Variants in KATNB1 observed in about 807,000 individuals in gnomAD.
KATNB1 encodes the protein katanin regulatory subunit B1, also known as katanin p80 WD40 repeat-containing subunit B1.
KATNB1 carries 38 observed loss-of-function variants against 82.3 expected under a neutral mutation model. The ratio of observed to expected loss-of-function variants is 0.46; its 90% CI spans 0.36 to 0.61. KATNB1 has a LOEUF of 0.61. KATNB1 is among the 20% of genes least tolerant of loss of function. KATNB1 has a pLI of 0.00. For missense variants in KATNB1, 749 were observed against 915.7 expected, an observed-to-expected ratio of 0.82 and a Z score of 2.35; for synonymous variants, 361 against 368.7, an observed-to-expected ratio of 0.98 and a Z score of 0.24.
rs782018938 is a variant in KATNB1, at chr16:57,751,692, T to C, written c.484T>C (p.Leu162=). The change falls in exon 7 of 20, where the codon TTG becomes CTG. Residue 162 remains leucine (L), a synonymous_variant. Transcript: ENST00000379661. This position sits in a 1 kb window ranked among gnomAD's most constrained non-coding sequence, Gnocchi z 6.3. ...CCGGTTCAGCCCCGATGGGAAGTGGTTGGCGTCGGCCGCAGATGACCACAC... is the reference window on the plus strand; with the variant it reads ...CCGGTTCAGCCCCGATGGGAAGTGGCTGGCGTCGGCCGCAGATGACCACAC... ...CLRFSPDGKW[L]ASAADDHTVK... The C allele has an allele frequency of 1.9e-6, 3 of 1,611,042 alleles. No homozygotes were observed. The highest frequency in any genetic ancestry group is 2.2e-5 in the East Asian group (1 of 44,864).
At chr16:57,738,870 A>T (rs1306975318) in intron 2 of KATNB1, among the ~76,000 whole-genome samples, 1 of 151,648 alleles carries the variant, frequency 6.6e-6, no homozygotes, top group Non-Finnish European at 1.5e-5. Flanking sequence ...GAGCCTGGGG[A>T]GAGCAACAGG....
At position 57,744,385 on chromosome 16, in the gene KATNB1, T is replaced by C; in HGVS notation, c.172-9T>C. 1 of 1,610,940 alleles carries C rather than the reference T, an allele frequency of 6.2e-7. No homozygotes were observed. The highest frequency in any genetic ancestry group is 8.5e-7 in the Non-Finnish European group (1 of 1,178,510). On this transcript the variant is annotated splice_polypyrimidine_tract_variant and intron_variant, in intron 3 of 19. Transcript: ENST00000379661. ...GCAGTGCACGGAAGCTGCTGCTCTC[T>C]CTCCACAGAGCCTGACGGGCCACAC... is the stretch of plus-strand genomic sequence containing the variant.
chr16:57,738,958 G>C (rs535813717), intron 2 of KATNB1, among the ~76,000 whole-genome samples: 1 of 152,192 alleles, frequency 6.6e-6, no homozygotes, highest in East Asian at 1.9e-4. Flanking sequence ...AGTTAGCTGG[G>C]GGGTAGGGGT....
chr16:57,752,581 AG>A lies in KATNB1; in HGVS notation c.688del (p.Glu230SerfsTer56). The A allele has an allele frequency of 6.4e-7, 1 of 1,569,428 alleles. No individual in the cohort carries two copies. Among genetic ancestry groups the A allele is most frequent in the Non-Finnish European group, 8.6e-7 (1 of 1,157,236 alleles). On this transcript the variant is annotated frameshift_variant, in exon 9 of 20. Coordinates refer to ENST00000379661, the MANE Select transcript of KATNB1 (RefSeq NM_005886.3). LOFTEE classifies it high-confidence loss of function. The part of the protein sequence containing the change: ...EKFQVVSCIE[G>X]EPGPVRSVLF... ...AGTTCCAGGTGGTGAGCTGCATCGA[AG>A]GGGAGCCTGGGCCCGTCAGGTACGC...
Position 57,756,947 on chromosome 16 carries a change from G to C in KATNB1, c.*1G>C, listed in dbSNP as rs1471542729. 6.5e-7 allele frequency: 1 copy of C among 1,528,138 alleles called. No individual in the cohort carries two copies. Among genetic ancestry groups the C allele is most frequent in the African/African-American group, 1.4e-5 (1 of 72,436 alleles). 94.7% of individuals were successfully genotyped at this position (1,528,138 alleles called of 1,614,324 possible). A position where few individuals can be genotyped will look rare whatever the true frequency, so the allele number is the denominator to read the frequency against. Reference sequence around the variant, plus strand: ...CCTGCTCATGGCCAGTCTGGACTGAGGAAAGCAGTGGGCAGGGGCGCTCGG... The same window carrying C: ...CCTGCTCATGGCCAGTCTGGACTGACGAAAGCAGTGGGCAGGGGCGCTCGG... On this transcript the variant is annotated 3_prime_UTR_variant, in exon 20 of 20. Coordinates refer to ENST00000379661, the MANE Select transcript of KATNB1 (RefSeq NM_005886.3).
At position 57,751,697 on chromosome 16, in the gene KATNB1, G is replaced by A. The variant is rs61729344; in HGVS notation, c.489G>A (p.Ala163=). 4.7e-3 allele frequency: 7,529 copies of A among 1,610,724 alleles called. 283 individuals are homozygous for A. In the African/African-American group the frequency reaches 0.087, roughly 19 times the overall value. The change falls in exon 7 of 20, where the codon GCG becomes GCA. Residue 163 remains alanine, a synonymous_variant. Coordinates refer to ENST00000379661, the MANE Select transcript of KATNB1 (RefSeq NM_005886.3). This position sits in a 1 kb window ranked among gnomAD's most constrained non-coding sequence, Gnocchi z 6.3. The part of the protein sequence containing the change: ...LRFSPDGKWL[A]SAADDHTVKL... ...TCAGCCCCGATGGGAAGTGGTTGGC[G>A]TCGGCCGCAGATGACCACACCGTGA... is the stretch of plus-strand genomic sequence containing the variant.
chr16:57,751,549 T>G lies in KATNB1; in HGVS notation c.433-92T>G. 1 of 1,228,708 alleles carries G rather than the reference T, an allele frequency of 8.1e-7. No individual in the cohort carries two copies. Among genetic ancestry groups the G allele is most frequent in the South Asian group, 1.2e-5 (1 of 83,356 alleles). The allele number at this position is 1,228,708 out of a possible 1,614,324, so 76.1% of individuals were successfully genotyped here. On this transcript the variant is annotated intron_variant, in intron 6 of 19. Coordinates refer to ENST00000379661, the MANE Select transcript of KATNB1 (RefSeq NM_005886.3). This position sits in a 1 kb window ranked among gnomAD's most constrained non-coding sequence, Gnocchi z 6.3. ...GAACCAGGCGGGTAACCAGTGTTGTTAGATGGAAGGGGTCCCATAGGAGTG... is the reference window on the plus strand; with the variant it reads ...GAACCAGGCGGGTAACCAGTGTTGTGAGATGGAAGGGGTCCCATAGGAGTG...
At chr16:57,748,917 G>A (rs903557745) in intron 4 of KATNB1, among the ~76,000 whole-genome samples, 2 of 152,242 alleles carry the variant, frequency 1.3e-5, no homozygotes, top group South Asian at 2.1e-4. Flanking sequence ...CTGGGAGCGG[G>A]TGTGGACTGG....
intron 10 of KATNB1, 73 bp from the exon 11 acceptor site, chr16:57,753,004 C>A: frequency 6.3e-7 from 1 of 1,591,208 alleles, no homozygotes. Context: ...GCCCCTCCTC[C>A]TACCCCCACA....
chr16:57,748,745 G>A (rs1378771954), intron 4 of KATNB1, among the ~76,000 whole-genome samples: 1 of 152,250 alleles, frequency 6.6e-6, no homozygotes, highest in South Asian at 2.1e-4. Context: ...CCACAGCGCA[G>A]CCAGAGGGCA....
intron 13 of KATNB1, among the ~76,000 whole-genome samples, chr16:57,754,336 G>A (rs995624095): frequency 6.6e-6 from 1 of 152,186 alleles, no homozygotes; most frequent in Non-Finnish European, 1.5e-5. Context: ...ATGATCGGGA[G>A]GCTCTCAGGA....
chr16:57,755,648 A>G lies in KATNB1; in HGVS notation c.1566+154A>G, dbSNP rs79997737. 0.022 allele frequency: 24,316 copies of G among 1,093,000 alleles called. 1,409 individuals carry two copies. The highest frequency in any genetic ancestry group is 0.2 in the African/African-American group (12,657 of 63,546). The allele number at this position is 1,093,000 out of a possible 1,614,324, so 67.7% of individuals were successfully genotyped here. A position where few individuals can be genotyped will look rare whatever the true frequency, so the allele number is the denominator to read the frequency against. On this transcript the variant is annotated intron_variant, in intron 16 of 19. Transcript: ENST00000379661. ...CACACCATCTGTTTCCGCCATCATC[A>G]TCATCATCACAGACTGCCGTTTAGT...
chr16:57,737,758 T>A (rs16959314), intron 2 of KATNB1, among the ~76,000 whole-genome samples: 5,296 of 152,096 alleles, frequency 0.035, 342 homozygotes, highest in African/African-American at 0.12. Flanking sequence ...AGGGCTCGGA[T>A]TGTAACTGAT....
At position 57,756,886 on chromosome 16, in the gene KATNB1, G is replaced by A. The variant is rs2049296345; in HGVS notation, c.1908G>A (p.Leu636=). Residue 636 remains leucine (L), a synonymous_variant, in exon 20 of 20, where the codon CTG becomes CTA. Transcript: ENST00000379661. ...ISGLVKSKSG[L]SGRHGSTFRE... is the part of the protein sequence containing the mutation. The stretch of plus-strand genomic sequence containing the variant: ...GCCTGGTCAAGAGCAAGTCAGGCCT[G>A]AGCGGCCGCCATGGCAGTACCTTCC... The A allele has an allele frequency of 3.9e-6, 6 of 1,555,356 alleles. No individual in the cohort carries two copies. The highest frequency in any genetic ancestry group is 3.5e-6 in the Non-Finnish European group (4 of 1,149,440).
chr16:57,754,990 T>C lies in KATNB1; in HGVS notation c.1289T>C (p.Val430Ala). 2 of 1,613,986 alleles carry C rather than the reference T, an allele frequency of 1.2e-6. No individual in the cohort carries two copies. Among genetic ancestry groups the C allele is most frequent in the Non-Finnish European group, 1.7e-6 (2 of 1,180,024 alleles). ...PSPAMDVQFP[V>A]PNLEVLPRPP... ...CCTGCCATGGATGTGCAGTTCCCGG[T>C]GCCAAATGTATGTCCATGGAGGGAG... The change falls in exon 14 of 20, where the codon GTG becomes GCG. Residue 430 changes from valine to alanine, a missense_variant. Transcript: ENST00000379661.
At chr16:57,744,892 C>T (rs1251067834) in intron 4 of KATNB1, among the ~76,000 whole-genome samples, 3 of 152,144 alleles carry the variant, frequency 2.0e-5, no homozygotes, top group African/African-American at 7.2e-5. Context: ...CATGAAGAAC[C>T]GGGGAGCTTG....
At chr16:57,754,684 GC>G in intron 13 of KATNB1, among the ~76,000 whole-genome samples, 1 of 152,230 alleles carries the variant, frequency 6.6e-6, no homozygotes, top group South Asian at 2.1e-4. Flanking sequence ...GGACAGGATG[GC>G]CACATCCTAG....
At chr16:57,752,367 C>T (rs2049235426) in intron 8 of KATNB1, 163 bp from the exon 9 acceptor site, 1 of 704,440 alleles carries the variant, frequency 1.4e-6, no homozygotes, top group Middle Eastern at 2.6e-4. Context: ...GGCCATCGGG[C>T]CGAGCCTCCC....
At chr16:57,743,031 GCCTGTAAT>G (rs2148790088) in intron 3 of KATNB1, among the ~76,000 whole-genome samples, 1 of 152,308 alleles carries the variant, frequency 6.6e-6, no homozygotes, top group East Asian at 1.9e-4. Context: ...AGTGGCTCAC[GCCTGTAAT>G]CCCAGCACTT....
Sources: gnomAD v4.1 joint callset for allele counts (sites outside exome capture counted in the v4.1 genomes callset) on GRCh38, gnomAD v4.1.1 for gene constraint, Gnocchi (gnomAD v3.1) non-coding constraint, MANE v1.5 for transcripts, NCBI Gene and HGNC (gene_info 2026-07-23, HGNC 2026-07-21) for gene names.